The following NALCN variants were observed in gnomAD, a reference collection of about 807,000 sequenced individuals.
The protein encoded by NALCN is sodium leak channel, non-selective.
NALCN carries 111 observed loss-of-function variants against 225.3 expected under a neutral mutation model. The observed-to-expected ratio is 0.49, with a 90% CI of 0.42 to 0.58. The LOEUF (loss-of-function observed/expected upper bound fraction) is 0.58, where lower values mean the gene tolerates loss of function less well. NALCN is among the 20% of genes least tolerant of loss of function. The pLI, the probability that NALCN is intolerant of heterozygous loss-of-function variation, is 0.00. For synonymous variants in NALCN, 764 were observed against 769.0 expected, an observed-to-expected ratio of 0.99 and a Z score of 0.11; for missense variants, 1,378 against 2,202.4, an observed-to-expected ratio of 0.63 and a Z score of 7.49.
chr13:101,322,019 G>A (rs941358379), intron 7 of NALCN, among the ~76,000 whole-genome samples: 4 of 152,104 alleles, frequency 2.6e-5, no homozygotes, highest in African/African-American at 9.7e-5. Context: ...TACTTTACAA[G>A]TCAAACATGG....
At chr13:101,171,769 C>G (rs967975756) in intron 15 of NALCN, among the ~76,000 whole-genome samples, 32 of 152,314 alleles carry the variant, frequency 2.1e-4, no homozygotes, top group African/African-American at 7.2e-4. Flanking sequence ...CAGAGCCTCT[C>G]AAAATTTCTG....
intron 6 of NALCN, among the ~76,000 whole-genome samples, chr13:101,367,775 C>A (rs2139387425): frequency 6.6e-6 from 1 of 152,100 alleles, no homozygotes; most frequent in African/African-American, 2.4e-5. Flanking sequence ...GAAAAATCAT[C>A]TTTATATGTA....
intron 6 of NALCN, among the ~76,000 whole-genome samples, chr13:101,356,765 T>C (rs1229685653): frequency 6.6e-6 from 1 of 152,144 alleles, no homozygotes; most frequent in Non-Finnish European, 1.5e-5. Context: ...ATATCCCTGA[T>C]GAACATCAAT....
intron 11 of NALCN, among the ~76,000 whole-genome samples, chr13:101,253,729 A>AT (rs2042130640): frequency 6.6e-6 from 1 of 152,188 alleles, no homozygotes; most frequent in African/African-American, 2.4e-5. Flanking sequence ...ACCAAGATCC[A>AT]TTTTTGTAAA....
At chr13:101,220,910 C>A (rs760806524) in intron 13 of NALCN, among the ~76,000 whole-genome samples, 2 of 151,740 alleles carry the variant, frequency 1.3e-5, no homozygotes, top group Non-Finnish European at 2.9e-5. Flanking sequence ...TTATTTAATA[C>A]ACAAAATGCA....
chr13:101,207,224 T>A (rs1352894672), intron 13 of NALCN, among the ~76,000 whole-genome samples: 1 of 152,226 alleles, frequency 6.6e-6, no homozygotes, highest in Non-Finnish European at 1.5e-5. Flanking sequence ...CCACATGCAA[T>A]ATATCACAGT....
At chr13:101,308,193 T>TA (rs1287142426) in intron 7 of NALCN, among the ~76,000 whole-genome samples, 1 of 152,216 alleles carries the variant, frequency 6.6e-6, no homozygotes, top group East Asian at 1.9e-4. Flanking sequence ...TTTAAGCCTG[T>TA]AGTAGATATT....
intron 9 of NALCN, among the ~76,000 whole-genome samples, 169 bp downstream of exon 9, chr13:101,291,821 A>AT (rs2043564511): frequency 2.0e-5 from 3 of 152,170 alleles, no homozygotes; most frequent in Admixed American, 6.5e-5. Flanking sequence ...AAGTGCTGGA[A>AT]TTACAAGCAT....
At chr13:101,206,725 T>A (rs913239966) in intron 13 of NALCN, among the ~76,000 whole-genome samples, 2,489 of 126,950 alleles carry the variant, frequency 0.02, 30 homozygotes, top group South Asian at 0.027. Context: ...ACAGGTTTTT[T>A]AAATATATAT....
At chr13:101,316,419 T>C (rs776597381) in intron 7 of NALCN, among the ~76,000 whole-genome samples, 7 of 152,196 alleles carry the variant, frequency 4.6e-5, no homozygotes, top group Non-Finnish European at 8.8e-5. Context: ...GATTCCAGAT[T>C]TATTCTTCAC....
intron 1 of NALCN, among the ~76,000 whole-genome samples, chr13:101,407,355 T>C (rs2047653678): frequency 6.6e-6 from 1 of 152,222 alleles, no homozygotes; most frequent in African/African-American, 2.4e-5. Flanking sequence ...AGATTTCTCC[T>C]CTGTCTGGGA....
At chr13:101,286,461 G>T (rs1386760955) in intron 9 of NALCN, among the ~76,000 whole-genome samples, 1 of 152,156 alleles carries the variant, frequency 6.6e-6, no homozygotes, top group African/African-American at 2.4e-5. Context: ...AGCCATGCTA[G>T]TCTACAAGGT....
intron 11 of NALCN, among the ~76,000 whole-genome samples, chr13:101,239,026 T>C (rs546283784): frequency 1.4e-3 from 214 of 152,052 alleles, no homozygotes; most frequent in Non-Finnish European, 2.3e-3. Flanking sequence ...TTAAAAAACA[T>C]AACAAGGTAA....
At chr13:101,361,649 T>C (rs1439711129) in intron 6 of NALCN, among the ~76,000 whole-genome samples, 1 of 152,186 alleles carries the variant, frequency 6.6e-6, no homozygotes, top group Admixed American at 6.5e-5. Context: ...TTTACTCAGC[T>C]TCAATTTCCT....
At chr13:101,155,808 C>A (rs2037873195) in intron 15 of NALCN, among the ~76,000 whole-genome samples, 2 of 152,152 alleles carry the variant, frequency 1.3e-5, no homozygotes, top group African/African-American at 4.8e-5. Context: ...TGAGGCCATG[C>A]AAATGTTTTA....
At chr13:101,313,189 G>A (rs1487710524) in intron 7 of NALCN, among the ~76,000 whole-genome samples, 1 of 152,002 alleles carries the variant, frequency 6.6e-6, no homozygotes. Flanking sequence ...ATTCAAGATG[G>A]ATTAAAGACT....
intron 14 of NALCN, among the ~76,000 whole-genome samples, chr13:101,183,445 T>G (rs1317598009): frequency 6.6e-6 from 1 of 152,192 alleles, no homozygotes; most frequent in Non-Finnish European, 1.5e-5. Flanking sequence ...TAGATTTATG[T>G]GATATTTCTA....
chr13:101,204,142 T>C (rs954320129), intron 13 of NALCN, among the ~76,000 whole-genome samples: 1 of 152,232 alleles, frequency 6.6e-6, no homozygotes, highest in Non-Finnish European at 1.5e-5. Context: ...TCTCTCTATG[T>C]ATGAACTCTT....
At chr13:101,206,745 T>C (rs2147171) in intron 13 of NALCN, among the ~76,000 whole-genome samples, 40,772 of 147,538 alleles carry the variant, frequency 0.28, 6,560 homozygotes, top group Non-Finnish European at 0.37. Context: ...TATATATATA[T>C]ACACATATAA....
Sources: gnomAD v4.1 joint callset for allele counts (sites outside exome capture counted in the v4.1 genomes callset) on GRCh38, gnomAD v4.1.1 for gene constraint, MANE v1.5 for transcripts, NCBI Gene and HGNC (gene_info 2026-07-23, HGNC 2026-07-21) for gene names.